Variants in NTN4 observed in about 807,000 individuals in gnomAD.
The protein encoded by NTN4 is netrin 4.
Under a neutral mutation model 73.6 loss-of-function variants are expected in NTN4, and 32 were observed. The ratio of observed to expected loss-of-function variants is 0.44; its 90% CI spans 0.33 to 0.58. The LOEUF (loss-of-function observed/expected upper bound fraction) is 0.58, where lower values mean the gene tolerates loss of function less well. Among genes scored for constraint, NTN4 ranks in the 20% least tolerant of loss-of-function variants. The pLI is 0.04. For synonymous variants in NTN4, 258 were observed against 287.5 expected, an observed-to-expected ratio of 0.90 and a Z score of 1.04; for missense variants, 654 against 798.3, an observed-to-expected ratio of 0.82 and a Z score of 2.18.
At chr12:95,670,488 C>T (rs949857784) in intron 7 of NTN4, 3 of 172,030 alleles carry the variant, frequency 1.7e-5, no homozygotes, top group African/African-American at 4.7e-5. Flanking sequence ...TGTCTTTCTG[C>T]AGTTAATGTT....
Position 95,789,501 on chromosome 12 carries a change from G to T in NTN4, c.55+754C>A, listed in dbSNP as rs371449032. Among the ~76,000 whole-genome samples the T allele has an allele frequency of 2.2e-4, 34 of 152,308 alleles. No individual in the cohort carries two copies. The East Asian group carries it at 6.2e-3, about 28-fold the overall frequency. On this transcript the variant is annotated intron_variant, in intron 1 of 9. Coordinates refer to ENST00000343702, the MANE Select transcript of NTN4 (RefSeq NM_021229.4). The surrounding 1 kb of genome is among the most constrained non-coding windows in gnomAD (Gnocchi z 4.0). ...GGGCTCCCGAATACAGAAACCACGA[G>T]CCAGGAGCCGGTGGCCTAGGGCAGC...
intron 3 of NTN4, among the ~76,000 whole-genome samples, chr12:95,720,200 A>G (rs2078636272): frequency 6.6e-6 from 1 of 152,188 alleles, no homozygotes; most frequent in Non-Finnish European, 1.5e-5. Flanking sequence ...TAGCAAAAAC[A>G]TGTCAGCAGA....
At chr12:95,787,666 G>A (rs1379301180) in intron 1 of NTN4, among the ~76,000 whole-genome samples, 198 bp from the exon 2 acceptor site, 1 of 141,322 alleles carries the variant, frequency 7.1e-6, no homozygotes, top group African/African-American at 2.5e-5. Context: ...TCGTGTATGC[G>A]TGTGTGTGTG....
At chr12:95,673,715 T>C (rs2120956692) in intron 7 of NTN4, 1 of 152,434 alleles carries the variant, frequency 6.6e-6, no homozygotes, top group South Asian at 2.1e-4. Flanking sequence ...GTCCCACATG[T>C]GGTCATCAGA....
At position 95,658,971 on chromosome 12, in the gene NTN4, A is replaced by G; in HGVS notation, c.*115T>C. On this transcript the variant is annotated 3_prime_UTR_variant, in exon 10 of 10. Transcript: ENST00000343702. ...TTAGATAAGACCCATGCATTCAAACATTTCTATATGTTTTGGCACTTTAAA... is the reference window on the plus strand; with the variant it reads ...TTAGATAAGACCCATGCATTCAAACGTTTCTATATGTTTTGGCACTTTAAA... 2.2e-6 allele frequency: 2 copies of G among 911,772 alleles called. No individual in the cohort carries two copies. The highest frequency in any genetic ancestry group is 3.3e-6 in the Non-Finnish European group (2 of 604,670). The allele number at this position is 911,772 out of a possible 1,614,324, so 56.5% of individuals were successfully genotyped here.
At chr12:95,748,228 C>T (rs1217029692) in intron 2 of NTN4, among the ~76,000 whole-genome samples, 1 of 46,084 alleles carries the variant, frequency 2.2e-5, no homozygotes, top group African/African-American at 6.1e-5. Flanking sequence ...AAGACTCTGT[C>T]TCAAAAAAAA....
chr12:95,727,644 T>C (rs2078704823), intron 3 of NTN4, among the ~76,000 whole-genome samples: 1 of 152,212 alleles, frequency 6.6e-6, no homozygotes, highest in Non-Finnish European at 1.5e-5. Flanking sequence ...GAACTCTCTC[T>C]CCCATTGATT....
chr12:95,747,315 C>G (rs1257935342), intron 2 of NTN4, among the ~76,000 whole-genome samples: 6 of 151,992 alleles, frequency 3.9e-5, no homozygotes, highest in Non-Finnish European at 2.9e-5. Flanking sequence ...TTATGATCGC[C>G]TATATATGTA....
At chr12:95,708,255 A>ATTTT (rs1274577729) in intron 5 of NTN4, among the ~76,000 whole-genome samples, 1 of 138,408 alleles carries the variant, frequency 7.2e-6, no homozygotes, top group Admixed American at 7.5e-5. Flanking sequence ...CTTTATTGTT[A>ATTTT]TTTTATTTAT....
intron 3 of NTN4, among the ~76,000 whole-genome samples, chr12:95,724,751 T>C (rs374979314): frequency 6.6e-6 from 1 of 152,164 alleles, no homozygotes; most frequent in Non-Finnish European, 1.5e-5. Context: ...TAATTTGAAA[T>C]TTCTTTCAAG....
chr12:95,722,110 AC>A (rs1308212178), intron 3 of NTN4, among the ~76,000 whole-genome samples: 8 of 150,434 alleles, frequency 5.3e-5, no homozygotes, highest in Admixed American at 2.6e-4. Flanking sequence ...TAGAACTAAG[AC>A]CTAAAGTCAA....
At position 95,666,344 on chromosome 12, in the gene NTN4, C is replaced by G. The variant is rs146728828; in HGVS notation, c.1580-364G>C. On this transcript the variant is annotated intron_variant, in intron 8 of 9. Coordinates refer to ENST00000343702, the MANE Select transcript of NTN4 (RefSeq NM_021229.4). ...GTACACTGCTTGGATGATGGGTGTA[C>G]TAAAATCTCAGAAATCACCACTAAA... is the stretch of plus-strand genomic sequence containing the variant. 2.0e-5 allele frequency among the ~76,000 whole-genome samples: 3 copies of G among 152,084 alleles called. No homozygotes were observed. In the East Asian group the frequency reaches 5.8e-4, roughly 29 times the overall value.
chr12:95,692,100 A>T (rs1395774901), intron 5 of NTN4, among the ~76,000 whole-genome samples: 18 of 152,028 alleles, frequency 1.2e-4, no homozygotes, highest in Non-Finnish European at 1.5e-5. Context: ...CAATGGTGTG[A>T]TCTCTGCTCA....
chr12:95,686,634 T>G (rs996500629), intron 5 of NTN4, among the ~76,000 whole-genome samples: 1 of 152,010 alleles, frequency 6.6e-6, no homozygotes, highest in African/African-American at 2.4e-5. Context: ...GGTGCACGCC[T>G]GTAGTCCCAG....
Position 95,790,064 on chromosome 12 carries a change from T to C in NTN4, c.55+191A>G, listed in dbSNP as rs963341442. The C allele has an allele frequency of 2.1e-6, 1 of 477,792 alleles. No individual in the cohort carries two copies. Among genetic ancestry groups the C allele is most frequent in the Non-Finnish European group, 3.8e-6 (1 of 266,168 alleles). The allele number at this position is 477,792 out of a possible 1,614,324, so 29.6% of individuals were successfully genotyped here. A position where few individuals can be genotyped will look rare whatever the true frequency, so the allele number is the denominator to read the frequency against. On this transcript the variant is annotated intron_variant, in intron 1 of 9. Coordinates refer to ENST00000343702, the MANE Select transcript of NTN4 (RefSeq NM_021229.4). This position sits in a 1 kb window ranked among gnomAD's most constrained non-coding sequence, Gnocchi z 6.5. ...TTATCCAAGCGCATGTGTATCCCAG[T>C]TGTAAAAATAAATCAATAGTATTTG...
chr12:95,703,939 T>A lies in NTN4; in HGVS notation c.1180+6502A>T, dbSNP rs535322839. Among the ~76,000 whole-genome samples the A allele has an allele frequency of 1.0e-3, 158 of 152,130 alleles. 1 individual carries two copies. The highest frequency in any genetic ancestry group is 3.6e-3 in the African/African-American group (148 of 41,498). On this transcript the variant is annotated intron_variant, in intron 5 of 9. Transcript: ENST00000343702. ...GAGCACTCTCAACCTTAAAAAAAAA[T>A]TTTTAAGAGATGGGAAATTTCTCTG... is the stretch of plus-strand genomic sequence containing the variant.
chr12:95,750,864 C>G (rs970040539), intron 2 of NTN4, among the ~76,000 whole-genome samples: 4 of 152,038 alleles, frequency 2.6e-5, no homozygotes, highest in African/African-American at 7.3e-5. Context: ...ACACCTGGTC[C>G]GGCTTACAGT....
Position 95,659,378 on chromosome 12 carries a change from C to T in NTN4, c.1751-156G>A, listed in dbSNP as rs141412195. On this transcript the variant is annotated intron_variant, in intron 9 of 9. Coordinates refer to ENST00000343702, the MANE Select transcript of NTN4 (RefSeq NM_021229.4). ...TGGCATAATCCTGGCTCACTGCAGC[C>T]TCAATCTCCTGGGTTTAGGTAATCC... is the stretch of plus-strand genomic sequence containing the variant. Among the ~76,000 whole-genome samples, 54 of 152,238 alleles carry T rather than the reference C, an allele frequency of 3.5e-4. No individual in the cohort carries two copies. The East Asian group carries it at 7.1e-3, about 20-fold the overall frequency.
rs780695594 is a variant in NTN4, at chr12:95,659,073, A to G, written c.*13T>C. The G allele has an allele frequency of 6.2e-7, 1 of 1,606,466 alleles. No homozygotes were observed. Among genetic ancestry groups the G allele is most frequent in the African/African-American group, 1.3e-5 (1 of 74,628 alleles). ...ACATAGACAAGTGCCATTATGTGCT[A>G]TCCATCTTAATGCTACTTGCACTCT... On this transcript the variant is annotated 3_prime_UTR_variant, in exon 10 of 10. Coordinates refer to ENST00000343702, the MANE Select transcript of NTN4 (RefSeq NM_021229.4).
Sources: allele counts gnomAD v4.1 joint callset (sites outside exome capture counted in the v4.1 genomes callset), GRCh38; gene constraint gnomAD v4.1.1; non-coding constraint Gnocchi (gnomAD v3.1); transcripts MANE v1.5; gene names NCBI Gene and HGNC (gene_info 2026-07-23, HGNC 2026-07-21).